The following CDC42BPB variants were observed in gnomAD, a reference collection of about 807,000 sequenced individuals.
CDC42BPB encodes the protein CDC42 binding protein kinase beta, also known as serine/threonine-protein kinase MRCK beta.
In CDC42BPB, 37 loss-of-function variants were observed where a neutral mutation model predicts 214.9. That is an observed-to-expected ratio of 0.17 (90% confidence interval 0.13 to 0.23). The LOEUF is 0.23. CDC42BPB is among the 10% of genes least tolerant of loss of function. The pLI is 1.00. For synonymous variants in CDC42BPB, 931 were observed against 884.0 expected, an observed-to-expected ratio of 1.05 and a Z score of -0.94; for missense variants, 1,694 against 2,227.0, an observed-to-expected ratio of 0.76 and a Z score of 4.82.
At chr14:102,990,112 G>A (rs1408395147) in intron 5 of CDC42BPB, among the ~76,000 whole-genome samples, 2 of 152,264 alleles carry the variant, frequency 1.3e-5, no homozygotes, top group African/African-American at 2.4e-5. Flanking sequence ...GCACGCTAAC[G>A]TCCTACGTAC....
intron 21 of CDC42BPB, chr14:102,956,343 T>C (rs1028899821): frequency 6.2e-6 from 3 of 483,436 alleles, no homozygotes; most frequent in Non-Finnish European, 8.1e-6. Context: ...CAGTCAACAC[T>C]GGCATGAAGA....
intron 2 of CDC42BPB, among the ~76,000 whole-genome samples, chr14:103,010,464 G>A (rs1022017216): frequency 5.9e-5 from 9 of 152,178 alleles, no homozygotes; most frequent in African/African-American, 1.9e-4. Flanking sequence ...TCATGGGGAT[G>A]GTGCTGCGAG....
chr14:102,977,569 A>C (rs967829310), intron 9 of CDC42BPB, among the ~76,000 whole-genome samples: 12 of 152,184 alleles, frequency 7.9e-5, no homozygotes, highest in Non-Finnish European at 2.9e-5. Context: ...AAAGAGGCCC[A>C]TTTGGGACAG....
chr14:103,019,751 A>C (rs1468086278), intron 1 of CDC42BPB, among the ~76,000 whole-genome samples: 1 of 152,154 alleles, frequency 6.6e-6, no homozygotes, highest in Admixed American at 6.5e-5. Context: ...TCTCCTCATC[A>C]ATCTCTTCAT....
At chr14:102,991,330 A>C (rs1346354591) in intron 5 of CDC42BPB, among the ~76,000 whole-genome samples, 3 of 152,266 alleles carry the variant, frequency 2.0e-5, no homozygotes, top group Non-Finnish European at 4.4e-5. Context: ...TCTTCTACTG[A>C]AAAAGCAAGG....
intron 8 of CDC42BPB, 59 bp from the exon 9 acceptor site, chr14:102,978,264 AG>A: frequency 6.2e-7 from 1 of 1,604,130 alleles, no homozygotes; most frequent in Non-Finnish European, 8.5e-7. Flanking sequence ...AGGTAAAAAG[AG>A]GAAAGATGGT....
At chr14:103,009,494 G>A (rs953450682) in intron 2 of CDC42BPB, among the ~76,000 whole-genome samples, 4 of 152,216 alleles carry the variant, frequency 2.6e-5, no homozygotes, top group African/African-American at 9.7e-5. Flanking sequence ...CGCATGGAAA[G>A]GACAGGCTCC....
In CDC42BPB at chr14:103,041,474, G is replaced by A. The variant is rs553321381; in HGVS notation, c.175+15525C>T. On this transcript the variant is annotated intron_variant, in intron 1 of 36. Transcript: ENST00000361246. The stretch of plus-strand genomic sequence containing the variant: ...AGAAGGGGCTCTAGGCAGCCATGGC[G>A]CCCAGCCAGAATGGCATGGAAGCCC... 1.2e-3 allele frequency: 1,458 copies of A among 1,260,322 alleles called. 17 individuals carry two copies. The highest frequency in any genetic ancestry group is 2.0e-3 in the South Asian group (156 of 78,546). 78.1% of individuals were successfully genotyped at this position (1,260,322 alleles called of 1,614,324 possible).
At chr14:103,056,039 T>C (rs998793835) in intron 1 of CDC42BPB, among the ~76,000 whole-genome samples, 3 of 152,178 alleles carry the variant, frequency 2.0e-5, no homozygotes, top group Non-Finnish European at 4.4e-5. Flanking sequence ...AGAGATGAAG[T>C]AAAAGAGTTT....
intron 5 of CDC42BPB, among the ~76,000 whole-genome samples, chr14:102,988,906 G>T (rs1185038097): frequency 1.3e-5 from 2 of 150,538 alleles, no homozygotes; most frequent in Non-Finnish European, 1.5e-5. Flanking sequence ...CCAACACGTG[G>T]GTTTTCTTTT....
At chr14:102,969,340 G>A (rs1240641201) in intron 14 of CDC42BPB, among the ~76,000 whole-genome samples, 1 of 152,212 alleles carries the variant, frequency 6.6e-6, no homozygotes, top group Non-Finnish European at 1.5e-5. Flanking sequence ...AGGCAGGAGG[G>A]TAGCTGCTGG....
At chr14:102,976,845 G>A (rs572650705) in intron 9 of CDC42BPB, among the ~76,000 whole-genome samples, 1 of 152,294 alleles carries the variant, frequency 6.6e-6, no homozygotes, top group South Asian at 2.1e-4. Context: ...CCATGGGCTT[G>A]GGACCTGCAA....
At chr14:103,021,298 A>G (rs1359737765) in intron 1 of CDC42BPB, among the ~76,000 whole-genome samples, 7 of 152,138 alleles carry the variant, frequency 4.6e-5, no homozygotes, top group Admixed American at 3.9e-4. Flanking sequence ...GTCTCTACTA[A>G]AAATATTTTT....
At chr14:102,997,565 G>A (rs1894797895) in intron 5 of CDC42BPB, among the ~76,000 whole-genome samples, 1 of 152,170 alleles carries the variant, frequency 6.6e-6, no homozygotes, top group Non-Finnish European at 1.5e-5. Context: ...GAGAGGAGGG[G>A]AACGATGGAA....
At chr14:102,989,767 G>T (rs1057245837) in intron 5 of CDC42BPB, among the ~76,000 whole-genome samples, 1 of 151,740 alleles carries the variant, frequency 6.6e-6, no homozygotes, top group African/African-American at 2.4e-5. Flanking sequence ...GCTGAGGCAG[G>T]AGAATCACTT....
chr14:103,022,692 G>A (rs764840816), intron 1 of CDC42BPB, among the ~76,000 whole-genome samples: 2 of 152,192 alleles, frequency 1.3e-5, no homozygotes, highest in African/African-American at 4.8e-5. Context: ...AGATCACAGA[G>A]GCTGGAGACA....
At chr14:102,994,667 GAGATT>G (rs1236358070) in intron 5 of CDC42BPB, among the ~76,000 whole-genome samples, 1 of 152,264 alleles carries the variant, frequency 6.6e-6, no homozygotes, top group Non-Finnish European at 1.5e-5. Context: ...CCCAGCTGCT[GAGATT>G]CTGGCTAAAA....
chr14:103,004,852 G>C lies in CDC42BPB; in HGVS notation c.352-829C>G, dbSNP rs893566478. Among the ~76,000 whole-genome samples the C allele has an allele frequency of 2.3e-4, 35 of 150,468 alleles. No homozygotes were observed. The highest frequency in any genetic ancestry group is 8.3e-4 in the African/African-American group (34 of 40,864). ...TCACCGTACTCCAGCCTGGACGACA[G>C]AGCCAGACTCCATCTCAAAAAGAAA... is the stretch of plus-strand genomic sequence containing the variant. On this transcript the variant is annotated intron_variant, in intron 3 of 36. Transcript: ENST00000361246. The surrounding 1 kb of genome is among the most constrained non-coding windows in gnomAD (Gnocchi z 5.3).
Position 102,944,958 on chromosome 14 carries a change from G to T in CDC42BPB, c.3812-471C>A, listed in dbSNP as rs10135776. On this transcript the variant is annotated intron_variant, in intron 29 of 36. Coordinates refer to ENST00000361246, the MANE Select transcript of CDC42BPB (RefSeq NM_006035.4). This position sits in a 1 kb window ranked among gnomAD's most constrained non-coding sequence, Gnocchi z 6.6. ...ATCCTCTGAAGACGCTGCCCTCACA[G>T]GGCCCCCAGTGAAGACACTGCCCTC... Among the ~76,000 whole-genome samples the T allele has an allele frequency of 1.3e-5, 2 of 151,932 alleles. No individual in the cohort carries two copies. Among genetic ancestry groups the T allele is most frequent in the African/African-American group, 4.8e-5 (2 of 41,316 alleles).
Sources: allele counts gnomAD v4.1 joint callset (sites outside exome capture counted in the v4.1 genomes callset), GRCh38; gene constraint gnomAD v4.1.1; non-coding constraint Gnocchi (gnomAD v3.1); transcripts MANE v1.5; gene names NCBI Gene and HGNC (gene_info 2026-07-23, HGNC 2026-07-21).